The following MAEA variants were observed in gnomAD, a reference collection of about 807,000 sequenced individuals.
The protein encoded by MAEA is E3 ubiquitin-protein transferase MAEA.
In MAEA, 22 loss-of-function variants were observed where a neutral mutation model predicts 46.2. The observed-to-expected ratio is 0.48, with a 90% confidence interval of 0.34 to 0.68. The LOEUF is 0.68. Ranked by LOEUF, MAEA falls within the 30% of genes least tolerant of loss-of-function variation. MAEA has a pLI of 0.01. For synonymous variants in MAEA, 246 were observed against 222.6 expected (o/e 1.11, Z -0.94); for missense variants, 393 against 558.1 (o/e 0.70, Z 2.98).
chr4:1,297,657 G>A (rs376734212), intron 1 of MAEA, among the ~76,000 whole-genome samples: 2 of 152,140 alleles, frequency 1.3e-5, no homozygotes, highest in South Asian at 2.1e-4. Context: ...CCTTTAGAGC[G>A]TCTGCTCTGC....
intron 1 of MAEA, among the ~76,000 whole-genome samples, chr4:1,305,064 G>T (rs1396960919): frequency 6.6e-6 from 1 of 152,048 alleles, no homozygotes; most frequent in Non-Finnish European, 1.5e-5. Flanking sequence ...TATTAATACC[G>T]TGGACTTCTC....
chr4:1,300,281 G>A (rs747388618), intron 1 of MAEA, among the ~76,000 whole-genome samples: 20 of 152,312 alleles, frequency 1.3e-4, no homozygotes, highest in South Asian at 1.0e-3. Flanking sequence ...CATGAAAACC[G>A]TAATGATATC....
chr4:1,300,503 G>A (rs143300170), intron 1 of MAEA, among the ~76,000 whole-genome samples: 2,101 of 152,356 alleles, frequency 0.014, 21 homozygotes, highest in Non-Finnish European at 0.019. Flanking sequence ...ACTCCTGCCC[G>A]CTTGCAGTCT....
rs527252559 is a variant in MAEA at position 1,309,433 on chromosome 4, T to C, written c.70-2546T>C. On this transcript the variant is annotated intron_variant, in intron 1 of 8. Transcript: ENST00000303400. The stretch of plus-strand genomic sequence containing the variant: ...GTCCCCCGGAAGAGGAGGCGGTGCT[T>C]TCCGGGGCTGGCCTGGCTCCTCTGG... The C allele has an allele frequency of 1.3e-5, 16 of 1,275,206 alleles. No individual in the cohort carries two copies. In the African/African-American group the frequency reaches 2.3e-4, roughly 18 times the overall value. 79.0% of individuals were successfully genotyped at this position (1,275,206 alleles called of 1,614,324 possible).
chr4:1,291,817 A>C (rs1423151043), intron 1 of MAEA, among the ~76,000 whole-genome samples: 3 of 152,236 alleles, frequency 2.0e-5, no homozygotes, highest in African/African-American at 7.2e-5. Flanking sequence ...GAGTGATTGC[A>C]TAGCTTCTGA....
At position 1,313,053 on chromosome 4, in the gene MAEA, C is replaced by G. The variant is rs542475477; in HGVS notation, c.252+892C>G. On this transcript the variant is annotated intron_variant, in intron 2 of 8. Coordinates refer to ENST00000303400, the MANE Select transcript of MAEA (RefSeq NM_001017405.3). ...GGGGCCCAGTGGAGAGAAGGTGGGACCCCACGGTACTACAGCTCAGCGTGG... is the reference window on the plus strand; with the variant it reads ...GGGGCCCAGTGGAGAGAAGGTGGGAGCCCACGGTACTACAGCTCAGCGTGG... 2.2e-3 allele frequency among the ~76,000 whole-genome samples: 332 copies of G among 152,278 alleles called. 1 individual carries two copies. Among genetic ancestry groups the G allele is most frequent in the African/African-American group, 7.7e-3 (318 of 41,548 alleles).
At chr4:1,299,173 C>T (rs2108868093) in intron 1 of MAEA, among the ~76,000 whole-genome samples, 1 of 152,318 alleles carries the variant, frequency 6.6e-6, no homozygotes, top group South Asian at 2.1e-4. Flanking sequence ...GCCACCATGC[C>T]CAGCTCCTTG....
At chr4:1,323,375 T>C in intron 4 of MAEA, 1 of 655,802 alleles carries the variant, frequency 1.5e-6, no homozygotes, top group East Asian at 2.7e-5. Context: ...ATGTTAACAC[T>C]TCTGCCTCCA....
chr4:1,321,923 G>A (rs948628748), intron 3 of MAEA, among the ~76,000 whole-genome samples: 6 of 148,128 alleles, frequency 4.1e-5, no homozygotes, highest in African/African-American at 7.6e-5. Flanking sequence ...TGTAACTACC[G>A]CGATATTAGC....
intron 1 of MAEA, among the ~76,000 whole-genome samples, chr4:1,297,165 C>T (rs998614573): frequency 4.6e-5 from 7 of 152,258 alleles, no homozygotes; most frequent in Admixed American, 3.3e-4. Flanking sequence ...CTAAGCCACC[C>T]TTCCCAAGTC....
intron 5 of MAEA, chr4:1,329,879 T>C (rs1271069793): frequency 1.0e-6 from 1 of 985,382 alleles, no homozygotes; most frequent in Admixed American, 6.1e-5. Flanking sequence ...GCTGCCAGGG[T>C]CCCAGCCCGC....
chr4:1,328,351 G>C (rs959086591), intron 5 of MAEA, among the ~76,000 whole-genome samples: 26 of 152,238 alleles, frequency 1.7e-4, no homozygotes, highest in Non-Finnish European at 2.8e-4. Flanking sequence ...CCCCAGAGTG[G>C]GCATCGTCAG....
chr4:1,340,015 C>CGTAGCTGACAGAGAACCGTATCGTAGA lies in MAEA; in HGVS notation c.*848_*874dup. 6.6e-6 allele frequency: 1 copy of CGTAGCTGACAGAGAACCGTATCGTAGA among 152,652 alleles called. No individual in the cohort carries two copies. The highest frequency in any genetic ancestry group is 1.5e-5 in the Non-Finnish European group (1 of 68,048). The allele number at this position is 152,652 out of a possible 1,614,324, so 9.5% of individuals were successfully genotyped here. A position where few individuals can be genotyped will look rare whatever the true frequency, so the allele number is the denominator to read the frequency against. Reference sequence around the variant, plus strand: ...TGACTTTTCAAAACAAATGAACCACCGTAGCTGACAGAGAACCGTATCGTA... The same window carrying CGTAGCTGACAGAGAACCGTATCGTAGA: ...TGACTTTTCAAAACAAATGAACCACCGTAGCTGACAGAGAACCGTATCGTAGAGTAGCTGACAGAGAACCGTATCGTA... On this transcript the variant is annotated 3_prime_UTR_variant, in exon 9 of 9. Coordinates refer to ENST00000303400, the MANE Select transcript of MAEA (RefSeq NM_001017405.3).
intron 1 of MAEA, among the ~76,000 whole-genome samples, chr4:1,291,703 C>A (rs1045679004): frequency 1.3e-5 from 2 of 152,188 alleles, no homozygotes; most frequent in African/African-American, 4.8e-5. Flanking sequence ...GAAATCCTTT[C>A]ATTGTGTATT....
intron 5 of MAEA, chr4:1,331,074 C>T (rs1384614973): frequency 6.6e-6 from 1 of 152,012 alleles, no homozygotes; most frequent in Non-Finnish European, 1.5e-5. Flanking sequence ...GTTCTGTGCA[C>T]GTCTTGGCGT....
chr4:1,290,772 G>A (rs1734025723), intron 1 of MAEA, among the ~76,000 whole-genome samples: 2 of 152,206 alleles, frequency 1.3e-5, no homozygotes, highest in South Asian at 4.1e-4. Context: ...TCCGTCTGAG[G>A]ACGGACGGTG....
chr4:1,324,628 G>A (rs1205944658), intron 4 of MAEA, among the ~76,000 whole-genome samples: 3 of 143,150 alleles, frequency 2.1e-5, no homozygotes, highest in South Asian at 4.6e-4. Flanking sequence ...TTGGATGAGC[G>A]TGCCTGGTGT....
chr4:1,293,060 A>AT (rs1208177687), intron 1 of MAEA, among the ~76,000 whole-genome samples: 1 of 151,710 alleles, frequency 6.6e-6, no homozygotes, highest in East Asian at 1.9e-4. Flanking sequence ...TGCCCAGCTA[A>AT]TTTTTTGTAT....
chr4:1,298,689 G>C (rs1177844902), intron 1 of MAEA, among the ~76,000 whole-genome samples: 1 of 152,126 alleles, frequency 6.6e-6, no homozygotes, highest in Non-Finnish European at 1.5e-5. Flanking sequence ...CCCGGGCTCA[G>C]TCCTTGGCCC....
Sources: allele counts gnomAD v4.1 joint callset (sites outside exome capture counted in the v4.1 genomes callset), GRCh38; gene constraint gnomAD v4.1.1; transcripts MANE v1.5; gene names NCBI Gene and HGNC (gene_info 2026-07-23, HGNC 2026-07-21).